LINGO2: variants seen among roughly 807,000 people sequenced by gnomAD.
LINGO2 encodes leucine rich repeat and Ig domain containing 2, also known as leucine-rich repeat and immunoglobulin-like domain-containing nogo receptor-interacting protein 2.
LINGO2 carries 14 observed loss-of-function variants against 30.6 expected under a neutral mutation model. That is an observed-to-expected ratio of 0.46 (90% CI 0.30 to 0.72). LINGO2 has a LOEUF of 0.72. LINGO2 is among the 30% of genes least tolerant of loss of function. The probability of loss-of-function intolerance (pLI) is 0.07; values close to 1 mark genes in which losing one functional copy is unlikely to be tolerated. For missense variants in LINGO2, 729 were observed against 751.7 expected, an observed-to-expected ratio of 0.97 and a Z score of 0.35; for synonymous variants, 317 against 288.5, an observed-to-expected ratio of 1.10 and a Z score of -1.00.
chr9:28,698,917 C>A, the LINGO2 span, among the ~76,000 whole-genome samples: 1 of 151,948 alleles, frequency 6.6e-6, no homozygotes, highest in Non-Finnish European at 1.5e-5. Flanking sequence ...TGGTGTGCAC[C>A]TGTAGTCCTA....
intron 3 of LINGO2, among the ~76,000 whole-genome samples, chr9:28,307,530 T>C (rs1824419059): frequency 6.6e-6 from 1 of 152,142 alleles, no homozygotes; most frequent in African/African-American, 2.4e-5. Flanking sequence ...AAGACAGGGA[T>C]GCCCTCTCTC....
chr9:28,397,443 G>T, intron 2 of LINGO2, among the ~76,000 whole-genome samples: 1 of 145,034 alleles, frequency 6.9e-6, no homozygotes, highest in African/African-American at 2.5e-5. Flanking sequence ...ACCTCACATT[G>T]TTATCATTTT....
chr9:28,054,812 CT>C (rs1824846476), intron 4 of LINGO2, among the ~76,000 whole-genome samples: 1 of 151,926 alleles, frequency 6.6e-6, no homozygotes, highest in South Asian at 2.1e-4. Context: ...TCAATATTTC[CT>C]TAAGTTTACT....
At chr9:27,981,551 G>GAAAAAAAAAAAAAAAAAAAAAAAAA (rs1279785343) in intron 5 of LINGO2, among the ~76,000 whole-genome samples, 5 of 87,120 alleles carry the variant, frequency 5.7e-5, no homozygotes, top group African/African-American at 2.1e-4. Context: ...AAAAAAAAAA[G>GAAAAAAAAAAAAAAAAAAAAAAAAA]AAAAAAAAGA....
chr9:28,846,018 ACG>A, the LINGO2 span, among the ~76,000 whole-genome samples: 25 of 136,156 alleles, frequency 1.8e-4, 1 homozygote, highest in African/African-American at 6.2e-4. Context: ...ACACACACAC[ACG>A]CAGGCACACA....
chr9:29,100,594 C>CAA, the LINGO2 span, among the ~76,000 whole-genome samples: 6 of 129,900 alleles, frequency 4.6e-5, no homozygotes, highest in African/African-American at 1.7e-4. Context: ...ACTCTTATCT[C>CAA]AAAAAAAAAA....
At chr9:28,471,950 A>C (rs1366017726) in intron 2 of LINGO2, among the ~76,000 whole-genome samples, 1 of 152,200 alleles carries the variant, frequency 6.6e-6, no homozygotes, top group African/African-American at 2.4e-5. Flanking sequence ...CCACACATAA[A>C]ACAAGTATAA....
chr9:29,158,186 A>T, the LINGO2 span, among the ~76,000 whole-genome samples: 1 of 137,590 alleles, frequency 7.3e-6, no homozygotes, highest in South Asian at 2.3e-4. Flanking sequence ...ACACAAAGTA[A>T]AAAAAAACAA....
At chr9:29,070,498 T>A in the LINGO2 span, among the ~76,000 whole-genome samples, 1 of 152,044 alleles carries the variant, frequency 6.6e-6, no homozygotes, top group Non-Finnish European at 1.5e-5. Context: ...CTGAAGTGAA[T>A]CAGTGCAGTT....
the LINGO2 span, among the ~76,000 whole-genome samples, chr9:28,781,344 G>T: frequency 3.9e-5 from 6 of 152,108 alleles, no homozygotes; most frequent in African/African-American, 1.4e-4. Flanking sequence ...TAGTATCCAA[G>T]GTATGCATTC....
chr9:28,388,910 CTCTT>C (rs2134676292), intron 2 of LINGO2, among the ~76,000 whole-genome samples: 1 of 152,118 alleles, frequency 6.6e-6, no homozygotes, highest in Admixed American at 6.5e-5. Flanking sequence ...CTCTCTCTCT[CTCTT>C]TCTTTGGATT....
intron 4 of LINGO2, among the ~76,000 whole-genome samples, chr9:28,179,361 A>G (rs1283872022): frequency 3.5e-5 from 4 of 113,872 alleles, no homozygotes; most frequent in African/African-American, 9.4e-5. Flanking sequence ...TATATACTAT[A>G]TGTATGTATA....
At chr9:29,049,643 G>T in the LINGO2 span, among the ~76,000 whole-genome samples, 3 of 152,156 alleles carry the variant, frequency 2.0e-5, no homozygotes, top group Non-Finnish European at 2.9e-5. Context: ...TCTGTCATTT[G>T]CAACAACATG....
the LINGO2 span, among the ~76,000 whole-genome samples, chr9:29,110,601 T>C: frequency 6.6e-6 from 1 of 152,076 alleles, no homozygotes; most frequent in Non-Finnish European, 1.5e-5. Flanking sequence ...CCCAAAGTGC[T>C]GGGATTACAG....
the LINGO2 span, among the ~76,000 whole-genome samples, chr9:28,836,281 C>T: frequency 6.6e-6 from 1 of 152,138 alleles, no homozygotes; most frequent in Non-Finnish European, 1.5e-5. Context: ...TGGAGGCTTG[C>T]AGGCACTGCA....
At chr9:29,130,566 G>C in the LINGO2 span, among the ~76,000 whole-genome samples, 11 of 152,068 alleles carry the variant, frequency 7.2e-5, no homozygotes, top group African/African-American at 2.7e-4. Flanking sequence ...ATTAATATTA[G>C]CTCATATGAA....
chr9:28,878,293 A>C, the LINGO2 span, among the ~76,000 whole-genome samples: 2 of 152,144 alleles, frequency 1.3e-5, no homozygotes, highest in East Asian at 1.9e-4. Flanking sequence ...ACCAGGAAGA[A>C]GTTGAATCTC....
At chr9:28,072,084 T>A (rs1825495652) in intron 4 of LINGO2, among the ~76,000 whole-genome samples, 1 of 152,144 alleles carries the variant, frequency 6.6e-6, no homozygotes, top group Non-Finnish European at 1.5e-5. Flanking sequence ...TTTTTTCTAT[T>A]CACTTAACAC....
chr9:28,139,969 A>G (rs905318254), intron 4 of LINGO2, among the ~76,000 whole-genome samples: 16 of 152,086 alleles, frequency 1.1e-4, no homozygotes, highest in African/African-American at 3.9e-4. Flanking sequence ...CTTTTAATTA[A>G]AAAAAGTGCC....
Sources: allele counts gnomAD v4.1 joint callset (sites outside exome capture counted in the v4.1 genomes callset), GRCh38; gene constraint gnomAD v4.1.1; transcripts MANE v1.5; gene names NCBI Gene and HGNC (gene_info 2026-07-23, HGNC 2026-07-21).